The following PRRX2 variants were observed in gnomAD, a reference collection of about 807,000 sequenced individuals.
PRRX2 encodes paired mesoderm homeobox protein 2.
PRRX2 carries 11 observed loss-of-function variants against 18.0 expected under a neutral mutation model. The observed-to-expected ratio is 0.61, with a 90% confidence interval of 0.39 to 1.01. PRRX2 has a LOEUF of 1.01. Among genes scored for constraint, PRRX2 ranks in the 50% least tolerant of loss-of-function variants. PRRX2 has a pLI of 0.01. For synonymous variants in PRRX2, 177 were observed against 154.8 expected (o/e 1.14, Z -1.06); for missense variants, 387 against 351.0 (o/e 1.10, Z -0.82).
intron 1 of PRRX2, among the ~76,000 whole-genome samples, chr9:129,696,483 G>A (rs1588168904): frequency 6.6e-6 from 1 of 152,180 alleles, no homozygotes; most frequent in South Asian, 2.1e-4. Flanking sequence ...GCTCAGGTGG[G>A]AGGATCGCTT....
chr9:129,721,722 A>C (rs1230850299), intron 3 of PRRX2, among the ~76,000 whole-genome samples: 1 of 152,046 alleles, frequency 6.6e-6, no homozygotes, highest in Non-Finnish European at 1.5e-5. Flanking sequence ...TGGGATTACA[A>C]ACGCCCGTCA....
Position 129,720,783 on chromosome 9 carries a change from G to C in PRRX2, c.626+9G>C, listed in dbSNP as rs376325772. Reference sequence around the variant, plus strand: ...GCCTCGTCCCCCTACAGGTGAGAGCGGGAACACCTTTGGGCCAGGAAGGGG... The same window carrying C: ...GCCTCGTCCCCCTACAGGTGAGAGCCGGAACACCTTTGGGCCAGGAAGGGG... On this transcript the variant is annotated intron_variant, in intron 3 of 3. Transcript: ENST00000372469. 167 of 1,554,718 alleles carry C rather than the reference G, an allele frequency of 1.1e-4. No individual in the cohort carries two copies. The highest frequency in any genetic ancestry group is 1.4e-4 in the Non-Finnish European group (158 of 1,148,396).
At chr9:129,696,465 C>T (rs1832423694) in intron 1 of PRRX2, among the ~76,000 whole-genome samples, 1 of 152,220 alleles carries the variant, frequency 6.6e-6, no homozygotes, top group East Asian at 1.9e-4. Context: ...ATTTCAGCTA[C>T]TCTAGAGGCT....
chr9:129,683,198 C>T (rs1832255651), intron 1 of PRRX2, among the ~76,000 whole-genome samples: 1 of 152,192 alleles, frequency 6.6e-6, no homozygotes, highest in South Asian at 2.1e-4. Flanking sequence ...GGAACCCCTC[C>T]TGGGACTCCC....
chr9:129,718,029 G>A (rs1476508064), intron 1 of PRRX2, among the ~76,000 whole-genome samples: 1 of 152,050 alleles, frequency 6.6e-6, no homozygotes, highest in Non-Finnish European at 1.5e-5. Flanking sequence ...GGTGCCCTTG[G>A]ATAAGGTTTA....
At chr9:129,702,124 G>A (rs1034265762) in intron 1 of PRRX2, among the ~76,000 whole-genome samples, 7 of 151,558 alleles carry the variant, frequency 4.6e-5, no homozygotes, top group African/African-American at 1.5e-4. Context: ...ACTGCCAGGC[G>A]CGGTGGCTCA....
intron 1 of PRRX2, among the ~76,000 whole-genome samples, chr9:129,698,691 C>T (rs1424384065): frequency 6.6e-6 from 1 of 152,174 alleles, no homozygotes; most frequent in African/African-American, 2.4e-5. Flanking sequence ...CGCCCCCTCA[C>T]GTCACTACCT....
intron 1 of PRRX2, among the ~76,000 whole-genome samples, chr9:129,714,083 A>G (rs527948691): frequency 6.7e-6 from 1 of 150,224 alleles, no homozygotes; most frequent in African/African-American, 2.4e-5. Flanking sequence ...CAGGTGGATC[A>G]CCTGAGGTCA....
At chr9:129,721,791 G>T (rs967408311) in intron 3 of PRRX2, among the ~76,000 whole-genome samples, 3 of 152,144 alleles carry the variant, frequency 2.0e-5, no homozygotes, top group African/African-American at 7.2e-5. Context: ...ATGTTGGCCA[G>T]GCTGGTCTCG....
chr9:129,713,499 T>C (rs73627665), intron 1 of PRRX2, among the ~76,000 whole-genome samples: 9,961 of 152,220 alleles, frequency 0.065, 929 homozygotes, highest in African/African-American at 0.21. Context: ...GAGCTGGGAC[T>C]GAGCGTGTGA....
At position 129,695,968 on chromosome 9, in the gene PRRX2, C is replaced by T. The variant is rs1832415728; in HGVS notation, c.260-23263C>T. On this transcript the variant is annotated intron_variant, in intron 1 of 3. Coordinates refer to ENST00000372469, the MANE Select transcript of PRRX2 (RefSeq NM_016307.4). The surrounding 1 kb of genome is among the most constrained non-coding windows in gnomAD (Gnocchi z 4.8). ...GTGGCCCCATTTCCTTATAAAGCCC[C>T]CTCTGAGAAGGCGGAAAGCTGAAGT... Among the ~76,000 whole-genome samples the T allele has an allele frequency of 6.6e-6, 1 of 152,146 alleles. No individual in the cohort carries two copies. The highest frequency in any genetic ancestry group is 2.4e-5 in the African/African-American group (1 of 41,420).
At chr9:129,718,878 A>G (rs1199296273) in intron 1 of PRRX2, among the ~76,000 whole-genome samples, 1 of 152,056 alleles carries the variant, frequency 6.6e-6, no homozygotes, top group Non-Finnish European at 1.5e-5. Context: ...GCCCTCCTTG[A>G]GCAGGTCACT....
chr9:129,718,062 G>GC (rs1039192089), intron 1 of PRRX2, among the ~76,000 whole-genome samples: 24 of 151,646 alleles, frequency 1.6e-4, no homozygotes, highest in Admixed American at 2.6e-4. Flanking sequence ...GTAGCTGGAC[G>GC]CCCCCCCACC....
chr9:129,671,263 C>T lies in PRRX2; in HGVS notation c.259+5137C>T, dbSNP rs1237995214. On this transcript the variant is annotated intron_variant, in intron 1 of 3. Transcript: ENST00000372469. The surrounding 1 kb of genome is among the most constrained non-coding windows in gnomAD (Gnocchi z 4.0). ...GAGGCTGAGTGCCCAGGGGGCCTTC[C>T]GTTTGGGAACTGCTGGGCCTCCCAG... Among the ~76,000 whole-genome samples, 6 of 152,160 alleles carry T rather than the reference C, an allele frequency of 3.9e-5. No individual in the cohort carries two copies. The highest frequency in any genetic ancestry group is 4.8e-5 in the African/African-American group (2 of 41,442).
chr9:129,692,585 C>A (rs1423987482), intron 1 of PRRX2, among the ~76,000 whole-genome samples: 1 of 152,226 alleles, frequency 6.6e-6, no homozygotes, highest in Non-Finnish European at 1.5e-5. Flanking sequence ...GCCCTGCAAC[C>A]ACTGACCCTT....
At position 129,673,652 on chromosome 9, in the gene PRRX2, C is replaced by CCACACACACACACACACA. The variant is rs3054761; in HGVS notation, c.259+7535_259+7552dup. 3.0e-3 allele frequency among the ~76,000 whole-genome samples: 443 copies of CCACACACACACACACACA among 149,314 alleles called. 1 individual carries two copies. The highest frequency in any genetic ancestry group is 7.0e-3 in the Middle Eastern group (2 of 286). On this transcript the variant is annotated intron_variant, in intron 1 of 3. Transcript: ENST00000372469. ...CACACACAGACCCATACCCCCCATG[C>CCACACACACACACACACA]CACACACACACACACACACACACAC...
At chr9:129,720,887 G>A (rs1463999599) in intron 3 of PRRX2, 113 bp downstream of exon 3, 54 of 1,221,500 alleles carry the variant, frequency 4.4e-5, no homozygotes, top group Middle Eastern at 2.0e-4. Context: ...GTGTCCACGC[G>A]CCCCTGGGAT....
At chr9:129,669,506 C>T (rs1426083517) in intron 1 of PRRX2, among the ~76,000 whole-genome samples, 1 of 152,262 alleles carries the variant, frequency 6.6e-6, no homozygotes, top group Non-Finnish European at 1.5e-5. Context: ...CCCCTAGAGC[C>T]AGGCAGGGGT....
chr9:129,705,093 G>T (rs11999914), intron 1 of PRRX2, among the ~76,000 whole-genome samples: 51,575 of 150,908 alleles, frequency 0.34, 9,539 homozygotes, highest in East Asian at 0.57. Flanking sequence ...ACCAAATTTC[G>T]AGCAGAGGGC....
Sources: allele counts gnomAD v4.1 joint callset (sites outside exome capture counted in the v4.1 genomes callset), GRCh38; gene constraint gnomAD v4.1.1; non-coding constraint Gnocchi (gnomAD v3.1); transcripts MANE v1.5; gene names NCBI Gene and HGNC (gene_info 2026-07-23, HGNC 2026-07-21).